NEBL: variants seen among roughly 807,000 people sequenced by gnomAD.
NEBL encodes nebulette.
In NEBL, 122 loss-of-function variants were observed where a neutral mutation model predicts 140.2. The ratio of observed to expected loss-of-function variants is 0.87; its 90% confidence interval spans 0.75 to 1.01. The LOEUF is 1.01. Ranked by LOEUF, NEBL falls within the 50% of genes least tolerant of loss-of-function variation. NEBL has a pLI of 0.00. For missense variants in NEBL, 1,365 were observed against 1,231.3 expected, an observed-to-expected ratio of 1.11 and a Z score of -1.62; for synonymous variants, 436 against 398.9, an observed-to-expected ratio of 1.09 and a Z score of -1.11.
Position 21,103,287 on chromosome 10 carries a change from C to G in NEBL, c.164+69096G>C, listed in dbSNP as rs1009318017. On this transcript the variant is annotated intron_variant, in intron 2 of 6. Transcript: ENST00000417816. ...GAGTGCAGTGGCTGCAATCTCGGCC[C>G]ACTGCAAGCTCCGCCTTCCGGGTTC... 3.3e-5 allele frequency among the ~76,000 whole-genome samples: 5 copies of G among 151,384 alleles called. No homozygotes were observed. The South Asian group carries it at 1.0e-3, about 32-fold the overall frequency.
At chr10:21,053,328 C>T (rs114534996) in intron 2 of NEBL, among the ~76,000 whole-genome samples, 3 of 152,146 alleles carry the variant, frequency 2.0e-5, no homozygotes, top group African/African-American at 7.2e-5. Flanking sequence ...ATCCCACTTC[C>T]CACTCTTTTA....
At chr10:20,810,368 CA>C (rs111700349) in intron 24 of NEBL, among the ~76,000 whole-genome samples, 28 of 150,088 alleles carry the variant, frequency 1.9e-4, no homozygotes, top group African/African-American at 2.9e-4. Flanking sequence ...ACAAAACAAA[CA>C]AAAAAAAAGT....
chr10:20,960,072 A>G (rs182913178), intron 4 of NEBL, among the ~76,000 whole-genome samples: 1 of 152,208 alleles, frequency 6.6e-6, no homozygotes, highest in Admixed American at 6.5e-5. Flanking sequence ...AATTTGAATA[A>G]AAATTAAAAG....
At chr10:21,034,457 C>G (rs189103307) in intron 2 of NEBL, among the ~76,000 whole-genome samples, 8 of 152,308 alleles carry the variant, frequency 5.3e-5, no homozygotes, top group Non-Finnish European at 1.5e-5. Flanking sequence ...ACATTCTTCT[C>G]AGCACAGTAA....
chr10:21,231,633 A>C (rs1842254311), intron 3 of NEBL, among the ~76,000 whole-genome samples: 1 of 148,998 alleles, frequency 6.7e-6, no homozygotes, highest in Non-Finnish European at 1.5e-5. Context: ...GTCAGGAGAG[A>C]ACATCAGAGG....
chr10:20,840,708 T>C (rs752852465), intron 13 of NEBL, 31 bp downstream of exon 13: 6 of 1,389,100 alleles, frequency 4.3e-6, no homozygotes, highest in South Asian at 2.3e-5. Context: ...TAAAAACATA[T>C]TCATCTAAGG....
chr10:20,801,096 G>A (rs1837077490), intron 26 of NEBL, among the ~76,000 whole-genome samples: 1 of 152,104 alleles, frequency 6.6e-6, no homozygotes, highest in African/African-American at 2.4e-5. Flanking sequence ...ACTATACCAA[G>A]TTGCCAACGT....
At chr10:21,072,648 A>G (rs1432060336) in intron 2 of NEBL, among the ~76,000 whole-genome samples, 1 of 152,248 alleles carries the variant, frequency 6.6e-6, no homozygotes, top group Non-Finnish European at 1.5e-5. Flanking sequence ...CCAGCAGCTC[A>G]GGGCTCAGTT....
intron 1 of NEBL, among the ~76,000 whole-genome samples, chr10:21,268,111 G>A (rs771451124): frequency 5.9e-5 from 9 of 152,156 alleles, no homozygotes; most frequent in Non-Finnish European, 1.2e-4. Context: ...CAGTCCTGGT[G>A]TTTGAAATAC....
chr10:21,284,567 C>A (rs887826285), intron 1 of NEBL, among the ~76,000 whole-genome samples: 2 of 152,152 alleles, frequency 1.3e-5, no homozygotes, highest in Non-Finnish European at 2.9e-5. Flanking sequence ...TATTTTAGAA[C>A]TAACTCTTAA....
At chr10:21,260,306 GA>G (rs1202268517) in intron 1 of NEBL, among the ~76,000 whole-genome samples, 1 of 152,230 alleles carries the variant, frequency 6.6e-6, no homozygotes, top group Non-Finnish European at 1.5e-5. Flanking sequence ...CCAAAGGCCA[GA>G]AGGCTCTGGA....
chr10:20,993,309 C>G (rs574704955), intron 3 of NEBL, among the ~76,000 whole-genome samples: 1 of 152,078 alleles, frequency 6.6e-6, no homozygotes. Context: ...TTATGAATGA[C>G]GTTGATTTAC....
chr10:20,997,795 GA>G (rs1370348064), intron 3 of NEBL, among the ~76,000 whole-genome samples: 1 of 152,054 alleles, frequency 6.6e-6, no homozygotes, highest in Non-Finnish European at 1.5e-5. Context: ...ATCCTATACA[GA>G]ATTTGAATTT....
intron 3 of NEBL, among the ~76,000 whole-genome samples, chr10:21,247,322 G>C (rs1842530413): frequency 6.6e-6 from 1 of 152,180 alleles, no homozygotes; most frequent in Non-Finnish European, 1.5e-5. Context: ...ATGAATCTCA[G>C]GCATTATGCT....
chr10:21,092,669 G>A (rs1251267782), intron 2 of NEBL, among the ~76,000 whole-genome samples: 5 of 151,066 alleles, frequency 3.3e-5, no homozygotes, highest in Non-Finnish European at 7.4e-5. Flanking sequence ...TCCTTTAGTA[G>A]CCAACAGGCC....
intron 1 of NEBL, among the ~76,000 whole-genome samples, chr10:21,281,706 G>T (rs1157830671): frequency 1.3e-5 from 2 of 151,960 alleles, no homozygotes; most frequent in East Asian, 3.9e-4. Flanking sequence ...TACTTTGGGG[G>T]TTCTGTCTGT....
intron 24 of NEBL, 52 bp from the exon 25 acceptor site, chr10:20,809,950 G>GAAAAAAAAAAAAAAAAAAAGAA (rs200571909): frequency 1.7e-6 from 1 of 596,616 alleles, no homozygotes; most frequent in Admixed American, 3.1e-5. Context: ...TTTAAAAAAG[G>GAAAAAAAAAAAAAAAAAAAGAA]AAAAAAAAAA....
intron 1 of NEBL, among the ~76,000 whole-genome samples, chr10:21,273,308 T>G (rs1842880824): frequency 1.3e-5 from 2 of 152,178 alleles, no homozygotes; most frequent in Admixed American, 1.3e-4. Flanking sequence ...GATTTCTCCC[T>G]TGGAGAGCTG....
chr10:21,109,652 T>C (rs58849551), intron 2 of NEBL, among the ~76,000 whole-genome samples: 2,692 of 152,270 alleles, frequency 0.018, 71 homozygotes, highest in African/African-American at 0.062. Context: ...TTTGGTAGGC[T>C]ATTAATTACT....
Sources: allele counts gnomAD v4.1 joint callset (sites outside exome capture counted in the v4.1 genomes callset), GRCh38; gene constraint gnomAD v4.1.1; transcripts MANE v1.5; gene names NCBI Gene and HGNC (gene_info 2026-07-23, HGNC 2026-07-21).